The following ARIH1 variants were observed in gnomAD, a reference collection of about 807,000 sequenced individuals.
ARIH1 encodes ariadne RBR E3 ubiquitin protein ligase 1.
Under a neutral mutation model 85.0 loss-of-function variants are expected in ARIH1, and 8 were observed. That is an observed-to-expected ratio of 0.09 (90% CI 0.06 to 0.17). The LOEUF (loss-of-function observed/expected upper bound fraction) is 0.17, where lower values mean the gene tolerates loss of function less well. Among genes scored for constraint, ARIH1 ranks in the 10% least tolerant of loss-of-function variants. The probability of loss-of-function intolerance (pLI) is 1.00; values close to 1 mark genes in which losing one functional copy is unlikely to be tolerated. For missense variants in ARIH1, 311 were observed against 718.1 expected, an observed-to-expected ratio of 0.43 and a Z score of 6.48; for synonymous variants, 238 against 253.6, an observed-to-expected ratio of 0.94 and a Z score of 0.59.
chr15:72,503,034 C>A (rs1286956835), intron 1 of ARIH1, among the ~76,000 whole-genome samples: 1 of 152,120 alleles, frequency 6.6e-6, no homozygotes, highest in African/African-American at 2.4e-5. Context: ...ACTTTTAAGC[C>A]ATCTAGAGAT....
chr15:72,515,101 C>T (rs994520222), intron 1 of ARIH1, among the ~76,000 whole-genome samples: 3 of 152,078 alleles, frequency 2.0e-5, no homozygotes, highest in African/African-American at 4.8e-5. Flanking sequence ...TTTGGGAGGC[C>T]GAGGTGGGCA....
intron 5 of ARIH1, among the ~76,000 whole-genome samples, chr15:72,557,627 C>T (rs1394541168): frequency 1.3e-5 from 2 of 152,130 alleles, no homozygotes; most frequent in Non-Finnish European, 2.9e-5. Flanking sequence ...TTTGCCAAGG[C>T]TGATGTCTAG....
In ARIH1 at chr15:72,588,944, C is replaced by T. The variant is rs1009172563; in HGVS notation, c.*5652C>T. ...GTTGCGTCAAGTCTGCACAATTCCA[C>T]GAGCACTTAAGAGTTTACAAGTTTC... is the stretch of plus-strand genomic sequence containing the variant. On this transcript the variant is annotated 3_prime_UTR_variant, in exon 14 of 14. Coordinates refer to ENST00000379887, the MANE Select transcript of ARIH1 (RefSeq NM_005744.5). 1.3e-5 allele frequency: 2 copies of T among 152,132 alleles called. No homozygotes were observed. The highest frequency in any genetic ancestry group is 2.9e-5 in the Non-Finnish European group (2 of 68,024). 9.4% of individuals were successfully genotyped at this position (152,132 alleles called of 1,614,324 possible). A position where few individuals can be genotyped will look rare whatever the true frequency, so the allele number is the denominator to read the frequency against.
intron 2 of ARIH1, among the ~76,000 whole-genome samples, chr15:72,524,463 C>G (rs1011620149): frequency 1.3e-5 from 2 of 152,194 alleles, no homozygotes; most frequent in Non-Finnish European, 2.9e-5. Context: ...ATCCGCCCAC[C>G]TTGGCCTCCC....
chr15:72,480,381 C>A (rs375651037), intron 1 of ARIH1, among the ~76,000 whole-genome samples: 1 of 151,640 alleles, frequency 6.6e-6, no homozygotes, highest in African/African-American at 2.4e-5. Context: ...CCTGCTTCAG[C>A]CTCTCAAGTA....
chr15:72,546,673 GTTTTGTTTGTTT>G (rs921108470), intron 3 of ARIH1, among the ~76,000 whole-genome samples: 1 of 151,610 alleles, frequency 6.6e-6, no homozygotes, highest in Non-Finnish European at 1.5e-5. Context: ...GTGTGTGTGT[GTTTTGTTTGTTT>G]TGTTTTGTTT....
intron 1 of ARIH1, among the ~76,000 whole-genome samples, chr15:72,511,312 T>C (rs2140407092): frequency 6.6e-6 from 1 of 152,320 alleles, no homozygotes; most frequent in East Asian, 1.9e-4. Context: ...TTTCTTTCTT[T>C]CTTTTTTGAG....
chr15:72,589,533 C>T lies in ARIH1; in HGVS notation c.*6241C>T, dbSNP rs1397531406. Reference sequence around the variant, plus strand: ...TTACTGCTGCTTTTCCTGTCAGTTACCCCATAGCTCCAGGTATTACATGTT... The same window carrying T: ...TTACTGCTGCTTTTCCTGTCAGTTATCCCATAGCTCCAGGTATTACATGTT... On this transcript the variant is annotated 3_prime_UTR_variant, in exon 14 of 14. Transcript: ENST00000379887. 6.6e-6 allele frequency: 1 copy of T among 152,158 alleles called. No homozygotes were observed. The highest frequency in any genetic ancestry group is 1.5e-5 in the Non-Finnish European group (1 of 68,032). The allele number at this position is 152,158 out of a possible 1,614,324, so 9.4% of individuals were successfully genotyped here. A position where few individuals can be genotyped will look rare whatever the true frequency, so the allele number is the denominator to read the frequency against.
intron 1 of ARIH1, among the ~76,000 whole-genome samples, chr15:72,491,060 G>A (rs1235177117): frequency 6.6e-6 from 1 of 152,156 alleles, no homozygotes; most frequent in Non-Finnish European, 1.5e-5. Flanking sequence ...AGGTTGCAGT[G>A]AGCCGAGATC....
At chr15:72,565,408 G>T (rs1379372607) in intron 7 of ARIH1, among the ~76,000 whole-genome samples, 1 of 151,952 alleles carries the variant, frequency 6.6e-6, no homozygotes, top group Admixed American at 6.6e-5. Flanking sequence ...CTTTTTTGCT[G>T]CGGGGTGGTT....
In ARIH1 at chr15:72,583,271, G is replaced by A; in HGVS notation, c.1653G>A (p.Leu551=). 1.2e-6 allele frequency: 2 copies of A among 1,613,106 alleles called. No individual in the cohort carries two copies. Among genetic ancestry groups the A allele is most frequent in the Non-Finnish European group, 8.5e-7 (1 of 1,179,482 alleles). ...TGCATGAAGGCTATGAAAAAGATCT[G>A]TGGGAGTACATTGAGGACTGAGAAT... The part of the protein sequence containing the change: ...QHVHEGYEKD[L]WEYIED The change falls in exon 14 of 14, where the codon CTG becomes CTA. Residue 551 remains leucine, a synonymous_variant. Coordinates refer to ENST00000379887, the MANE Select transcript of ARIH1 (RefSeq NM_005744.5).
intron 1 of ARIH1, among the ~76,000 whole-genome samples, chr15:72,504,380 TTGG>T (rs2063916195): frequency 6.6e-6 from 1 of 152,140 alleles, no homozygotes; most frequent in Non-Finnish European, 1.5e-5. Context: ...GTACCTGCAC[TTGG>T]TGGGTCCCAA....
chr15:72,541,251 C>G (rs2064106074), intron 2 of ARIH1, among the ~76,000 whole-genome samples: 1 of 152,156 alleles, frequency 6.6e-6, no homozygotes, highest in East Asian at 1.9e-4. Context: ...AGCCAGCAGT[C>G]TAGCAGGCAT....
At position 72,593,492 on chromosome 15, in the gene ARIH1, A is replaced by G. The variant is rs1484681520; in HGVS notation, c.*10200A>G. On this transcript the variant is annotated 3_prime_UTR_variant, in exon 14 of 14. Coordinates refer to ENST00000379887, the MANE Select transcript of ARIH1 (RefSeq NM_005744.5). ...ATGTTTAGGTCTGTGATCCATCTCAAATTAATTTTTGTGAACAGAATGAGG... is the reference window on the plus strand; with the variant it reads ...ATGTTTAGGTCTGTGATCCATCTCAGATTAATTTTTGTGAACAGAATGAGG... 2 of 152,160 alleles carry G rather than the reference A, an allele frequency of 1.3e-5. No individual in the cohort carries two copies. Among genetic ancestry groups the G allele is most frequent in the South Asian group, 2.1e-4 (1 of 4,832 alleles). The allele number at this position is 152,160 out of a possible 1,614,324, so 9.4% of individuals were successfully genotyped here.
intron 2 of ARIH1, among the ~76,000 whole-genome samples, chr15:72,532,595 G>T (rs533800589): frequency 6.6e-6 from 1 of 151,976 alleles, no homozygotes; most frequent in Non-Finnish European, 1.5e-5. Flanking sequence ...AAAACCCAAG[G>T]AAAGATGATA....
intron 10 of ARIH1, among the ~76,000 whole-genome samples, chr15:72,571,691 T>C (rs1048128489): frequency 2.0e-5 from 3 of 152,206 alleles, no homozygotes; most frequent in Non-Finnish European, 4.4e-5. Flanking sequence ...ATTAGAAATA[T>C]TTGGCTTAAG....
intron 1 of ARIH1, among the ~76,000 whole-genome samples, chr15:72,491,709 C>T (rs1030334302): frequency 6.6e-6 from 1 of 152,110 alleles, no homozygotes; most frequent in Admixed American, 6.5e-5. Flanking sequence ...TGCTCTTAAC[C>T]AGTTATCTTA....
chr15:72,491,119 AAAAAAT>A (rs979484935), intron 1 of ARIH1, among the ~76,000 whole-genome samples: 5 of 152,172 alleles, frequency 3.3e-5, no homozygotes, highest in African/African-American at 1.2e-4. Context: ...CTTGTCTCGA[AAAAAAT>A]AAAAATAAAA....
chr15:72,541,502 TGTA>T (rs1015153812), intron 2 of ARIH1, among the ~76,000 whole-genome samples: 20 of 152,162 alleles, frequency 1.3e-4, no homozygotes, highest in African/African-American at 4.6e-4. Context: ...TTGATATAAT[TGTA>T]GTAAAAGTTC....
Sources: allele counts gnomAD v4.1 joint callset (sites outside exome capture counted in the v4.1 genomes callset), GRCh38; gene constraint gnomAD v4.1.1; transcripts MANE v1.5; gene names NCBI Gene and HGNC (gene_info 2026-07-23, HGNC 2026-07-21).